COL12A1: variants seen among roughly 807,000 people sequenced by gnomAD.
COL12A1 encodes the protein collagen type XII alpha 1 chain.
Under a neutral mutation model 349.7 loss-of-function variants are expected in COL12A1, and 114 were observed. That is an observed-to-expected ratio of 0.33 (90% confidence interval 0.28 to 0.38). The LOEUF (loss-of-function observed/expected upper bound fraction) is 0.38, where lower values mean the gene tolerates loss of function less well. Among genes scored for constraint, COL12A1 ranks in the 10% least tolerant of loss-of-function variants. The pLI is 1.00. For synonymous variants in COL12A1, 1,369 were observed against 1,329.0 expected, an observed-to-expected ratio of 1.03 and a Z score of -0.66; for missense variants, 3,284 against 3,756.9, an observed-to-expected ratio of 0.87 and a Z score of 3.29.
In COL12A1 at chr6:75,152,419, A is replaced by T; in HGVS notation, c.3629T>A (p.Ile1210Asn). The T allele has an allele frequency of 6.2e-7, 1 of 1,613,662 alleles. No homozygotes were observed. The highest frequency in any genetic ancestry group is 8.5e-7 in the Non-Finnish European group (1 of 1,179,740). The change falls in exon 18 of 66, where the codon ATC (isoleucine) becomes AAC (asparagine). Residue 1210 changes from isoleucine to asparagine, a missense_variant. Physicochemically the swap from Ile to Asn is moderately radical, Grantham distance 149. This residue lies in a region of COL12A1 where 2,601 missense variants were observed against 2,824.8 expected (regional missense o/e 0.92). Transcript: ENST00000322507. ...IVLLVDGSWS[I>N]GRANFRTVRS... ...CACGGTTCTAAAATTTGCCCGGCCGATGCTCCATGATCCATCCACCAGCAA... is the reference window on the plus strand; with the variant it reads ...CACGGTTCTAAAATTTGCCCGGCCGTTGCTCCATGATCCATCCACCAGCAA...
In COL12A1 at chr6:75,102,060, G is replaced by T. The variant is rs775559307; in HGVS notation, c.8416-8C>A. 6.2e-7 allele frequency: 1 copy of T among 1,613,352 alleles called. No homozygotes were observed. Among genetic ancestry groups the T allele is most frequent in the Non-Finnish European group, 8.5e-7 (1 of 1,179,736 alleles). On this transcript the variant is annotated splice_region_variant and splice_polypyrimidine_tract_variant and intron_variant, in intron 56 of 65. Transcript: ENST00000322507. Reference sequence around the variant, plus strand: ...TTTCATCCCTTGGCGACCCTAGAGTGAGCAATGGGAAAACAGTTCTCAGGC... The same window carrying T: ...TTTCATCCCTTGGCGACCCTAGAGTTAGCAATGGGAAAACAGTTCTCAGGC...
At chr6:75,127,984 C>A (rs1766103360) in intron 38 of COL12A1, among the ~76,000 whole-genome samples, 1 of 152,040 alleles carries the variant, frequency 6.6e-6, no homozygotes, top group African/African-American at 2.4e-5. Flanking sequence ...TGACACCATA[C>A]CAGTTGAAAC....
At chr6:75,166,360 C>G (rs1285463997) in intron 13 of COL12A1, among the ~76,000 whole-genome samples, 1 of 152,166 alleles carries the variant, frequency 6.6e-6, no homozygotes, top group African/African-American at 2.4e-5. Flanking sequence ...TTCAATATAG[C>G]TTAACCCTAA....
chr6:75,172,528 T>C (rs1474128249), intron 13 of COL12A1, among the ~76,000 whole-genome samples: 1 of 152,062 alleles, frequency 6.6e-6, no homozygotes, highest in Non-Finnish European at 1.5e-5. Context: ...AGAGTGAAAG[T>C]TTGTCCTCTA....
intron 1 of COL12A1, among the ~76,000 whole-genome samples, chr6:75,203,749 T>C (rs1281539706): frequency 5.9e-5 from 9 of 152,146 alleles, no homozygotes; most frequent in Admixed American, 5.9e-4. Context: ...TGGAATCTCC[T>C]AAAATAGTCT....
In COL12A1 at chr6:75,085,917, A is replaced by T. The variant is rs1767464673; in HGVS notation, c.*630T>A. The T allele has an allele frequency of 6.5e-6, 1 of 153,828 alleles. No homozygotes were observed. Among genetic ancestry groups the T allele is most frequent in the Non-Finnish European group, 1.5e-5 (1 of 68,862 alleles). 9.5% of individuals were successfully genotyped at this position (153,828 alleles called of 1,614,324 possible). The stretch of plus-strand genomic sequence containing the variant: ...AAAACAGGAAGAAAAGGTGATTTTA[A>T]ACTTTGGTTTGAAAATTGCAGTTAC... On this transcript the variant is annotated 3_prime_UTR_variant, in exon 66 of 66. Coordinates refer to ENST00000322507, the MANE Select transcript of COL12A1 (RefSeq NM_004370.6).
chr6:75,108,879 T>C, intron 52 of COL12A1, 139 bp downstream of exon 52: 1 of 859,186 alleles, frequency 1.2e-6, no homozygotes, highest in African/African-American at 1.7e-5. Flanking sequence ...TCTTCCAATG[T>C]TTTGATCTGA....
intron 36 of COL12A1, 118 bp downstream of exon 36, chr6:75,130,734 G>T: frequency 7.7e-7 from 1 of 1,297,844 alleles, no homozygotes; most frequent in Non-Finnish European, 1.1e-6. Context: ...TAAATGTAGG[G>T]GATCCCAGGC....
intron 25 of COL12A1, 148 bp downstream of exon 25, chr6:75,145,178 C>A: frequency 1.2e-6 from 1 of 804,748 alleles, no homozygotes; most frequent in Non-Finnish European, 1.7e-6. Flanking sequence ...AGAATTGAGA[C>A]ATTTATTCTC....
intron 55 of COL12A1, among the ~76,000 whole-genome samples, chr6:75,103,052 G>C (rs1049834477): frequency 6.6e-6 from 1 of 151,904 alleles, no homozygotes; most frequent in African/African-American, 2.4e-5. Context: ...ATTTCTCTTA[G>C]ACTTCAGCTT....
intron 31 of COL12A1, among the ~76,000 whole-genome samples, chr6:75,135,892 T>A (rs1020153451): frequency 6.6e-5 from 10 of 152,262 alleles, no homozygotes; most frequent in African/African-American, 1.9e-4. Context: ...GAGAACTGCT[T>A]TTATGAGTAA....
At chr6:75,158,698 A>G (rs1229368904) in intron 14 of COL12A1, among the ~76,000 whole-genome samples, 1 of 152,118 alleles carries the variant, frequency 6.6e-6, no homozygotes, top group Non-Finnish European at 1.5e-5. Context: ...ATATAAAAAG[A>G]CTCAAATTAA....
chr6:75,165,125 T>C (rs971012845), intron 14 of COL12A1, among the ~76,000 whole-genome samples: 3 of 152,210 alleles, frequency 2.0e-5, no homozygotes, highest in African/African-American at 7.2e-5. Context: ...ATCTGCATTC[T>C]ACAGATTAGG....
At chr6:75,164,116 A>G (rs999031222) in intron 14 of COL12A1, among the ~76,000 whole-genome samples, 1 of 152,192 alleles carries the variant, frequency 6.6e-6, no homozygotes, top group South Asian at 2.1e-4. Context: ...TTCCAGACAC[A>G]AGATTTTATT....
intron 1 of COL12A1, among the ~76,000 whole-genome samples, chr6:75,204,016 G>A (rs1285671889): frequency 2.0e-5 from 3 of 152,140 alleles, no homozygotes; most frequent in South Asian, 4.1e-4. Context: ...AAAGCATGAG[G>A]GCAGCTTTCC....
At chr6:75,147,338 C>G (rs567457181) in intron 23 of COL12A1, among the ~76,000 whole-genome samples, 1 of 152,104 alleles carries the variant, frequency 6.6e-6, no homozygotes, top group African/African-American at 2.4e-5. Flanking sequence ...GTAAAATTAT[C>G]CCCCTGAAAG....
Position 75,119,415 on chromosome 6 carries a change from T to C in COL12A1, c.7145A>G (p.Asn2382Ser), listed in dbSNP as rs759128382. Reference protein sequence around the residue: ...VKSEFKLNTYNDKALALGALQ... With the variant: ...VKSEFKLNTYSDKALALGALQ... ...GGCCCCAAGGGCTAGGGCCTTGTCATTGTACGTGTTCAGCTTGAACTCAGA... is the reference window on the plus strand; with the variant it reads ...GGCCCCAAGGGCTAGGGCCTTGTCACTGTACGTGTTCAGCTTGAACTCAGA... Residue 2382 changes from asparagine (N) to serine (S), a missense_variant, in exon 45 of 66, where the codon AAT becomes AGT. Asn to Ser is a conservative substitution (Grantham distance 46). This residue lies in a region of COL12A1 where 683 missense variants were observed against 932.1 expected (regional missense o/e 0.73). Coordinates refer to ENST00000322507, the MANE Select transcript of COL12A1 (RefSeq NM_004370.6). The C allele has an allele frequency of 2.5e-6, 4 of 1,613,988 alleles. No homozygotes were observed. Among genetic ancestry groups the C allele is most frequent in the African/African-American group, 1.3e-5 (1 of 75,040 alleles).
chr6:75,172,053 G>A (rs887518438), intron 13 of COL12A1, among the ~76,000 whole-genome samples: 6 of 152,080 alleles, frequency 3.9e-5, no homozygotes. Context: ...CTTCTTCTCA[G>A]GAAATAGAAA....
chr6:75,098,072 T>C (rs1415421284), intron 58 of COL12A1, among the ~76,000 whole-genome samples: 2 of 152,232 alleles, frequency 1.3e-5, no homozygotes, highest in African/African-American at 4.8e-5. Flanking sequence ...TTACCAAATA[T>C]GCAAATATTA....
Sources: allele counts gnomAD v4.1 joint callset (sites outside exome capture counted in the v4.1 genomes callset), GRCh38; gene constraint gnomAD v4.1.1; regional missense constraint gnomAD v4.1.1; transcripts MANE v1.5; gene names NCBI Gene and HGNC (gene_info 2026-07-23, HGNC 2026-07-21).